Variants in MEGF6 observed in about 807,000 individuals in gnomAD.
The protein encoded by MEGF6 is multiple EGF like domains 6.
In MEGF6, 184 loss-of-function variants were observed where a neutral mutation model predicts 207.1. The observed-to-expected ratio is 0.89, with a 90% confidence interval of 0.79 to 1.00. MEGF6 has a LOEUF of 1.00. Among genes scored for constraint, MEGF6 ranks in the 50% least tolerant of loss-of-function variants. MEGF6 has a pLI of 0.00. For synonymous variants in MEGF6, 1,038 were observed against 910.0 expected, an observed-to-expected ratio of 1.14 and a Z score of -2.53; for missense variants, 2,282 against 2,202.9, an observed-to-expected ratio of 1.04 and a Z score of -0.72.
intron 3 of MEGF6, among the ~76,000 whole-genome samples, chr1:3,586,836 C>G (rs550163639): frequency 6.6e-6 from 1 of 152,182 alleles, no homozygotes; most frequent in Non-Finnish European, 1.5e-5. Flanking sequence ...CCGGGCCCGC[C>G]GGCCTGATGG....
chr1:3,605,072 ACT>A (rs778967848), intron 1 of MEGF6, among the ~76,000 whole-genome samples: 73 of 151,120 alleles, frequency 4.8e-4, no homozygotes, highest in Admixed American at 4.3e-3. Flanking sequence ...TCACACTCAC[ACT>A]CTCAGTCACA....
At chr1:3,495,250 G>A (rs534403334) in intron 30 of MEGF6, among the ~76,000 whole-genome samples, 3 of 152,314 alleles carry the variant, frequency 2.0e-5, no homozygotes, top group Non-Finnish European at 4.4e-5. Flanking sequence ...GCTGGGGCCT[G>A]AGCCCTGGGA....
intron 19 of MEGF6, 26 bp downstream of exon 19, chr1:3,501,151 C>T (rs770570243): frequency 6.2e-7 from 1 of 1,612,568 alleles, no homozygotes; most frequent in East Asian, 2.2e-5. Context: ...AGGTCAAAGG[C>T]TCAGGGGCAG....
chr1:3,615,715 G>A (rs550713201), upstream of MEGF6, among the ~76,000 whole-genome samples: 7 of 152,346 alleles, frequency 4.6e-5, no homozygotes, highest in East Asian at 5.8e-4. Flanking sequence ...GGAAGCCCGC[G>A]TGTGGGACCC....
chr1:3,550,394 G>A (rs183454347), intron 4 of MEGF6, among the ~76,000 whole-genome samples: 132 of 152,324 alleles, frequency 8.7e-4, no homozygotes, highest in African/African-American at 3.1e-3. Flanking sequence ...AGGATAGGGC[G>A]TACCAGCTGG....
chr1:3,501,972 A>C, intron 17 of MEGF6, 51 bp from the exon 18 acceptor site: 1 of 1,118,628 alleles, frequency 8.9e-7, no homozygotes, highest in Non-Finnish European at 1.1e-6. Flanking sequence ...GAGTGGACTG[A>C]CCAGAGCCTT....
chr1:3,580,916 C>T (rs1053635705), intron 3 of MEGF6, among the ~76,000 whole-genome samples: 1 of 152,094 alleles, frequency 6.6e-6, no homozygotes, highest in African/African-American at 2.4e-5. Context: ...CTGCCAGTAG[C>T]AGGGAGGGAA....
At position 3,505,276 on chromosome 1, in the gene MEGF6, C is replaced by A. The variant is rs760340785; in HGVS notation, c.2120G>T (p.Cys707Phe). The change falls in exon 17 of 37, where the codon TGT (cysteine) becomes TTT (phenylalanine). Residue 707 changes from cysteine (C) to phenylalanine (F), a missense_variant. Transcript: ENST00000356575. The part of the protein sequence containing the change: ...QACTCPVGVA[C>F]DSVSGECGKR... ...CCCACACTCGCCGCTCACGGAGTCA[C>A]AGGCCACGCCCACTGGGCAGGTGCA... 1.2e-6 allele frequency: 2 copies of A among 1,612,382 alleles called. No homozygotes were observed. The highest frequency in any genetic ancestry group is 2.2e-5 in the East Asian group (1 of 44,876).
chr1:3,491,019 T>G (rs1009589372), intron 35 of MEGF6, 60 bp from the exon 36 acceptor site: 1 of 1,485,640 alleles, frequency 6.7e-7, no homozygotes, highest in Non-Finnish European at 9.0e-7. Flanking sequence ...GCCACAGTAA[T>G]GGCAGCAAGG....
chr1:3,552,176 C>T (rs867994871), intron 4 of MEGF6, among the ~76,000 whole-genome samples: 4 of 152,216 alleles, frequency 2.6e-5, no homozygotes, highest in Admixed American at 1.3e-4. Flanking sequence ...TCCCTATGCC[C>T]GAGCCCCAGG....
intron 3 of MEGF6, among the ~76,000 whole-genome samples, chr1:3,592,845 G>A (rs142837907): frequency 2.7e-4 from 41 of 152,318 alleles, no homozygotes; most frequent in Middle Eastern, 3.4e-3. Flanking sequence ...CGCTAAAAAC[G>A]AATGTTTAAA....
intron 4 of MEGF6, among the ~76,000 whole-genome samples, chr1:3,578,421 A>G (rs1643700781): frequency 6.6e-6 from 1 of 151,812 alleles, no homozygotes. Flanking sequence ...TGTGGACCCC[A>G]CCTGTCCTCG....
chr1:3,602,349 T>G, intron 2 of MEGF6, 117 bp downstream of exon 2: 1 of 1,442,582 alleles, frequency 6.9e-7, no homozygotes, highest in Non-Finnish European at 9.3e-7. Context: ...AGGCAGGGGT[T>G]GCGTGTGGCC....
At chr1:3,614,651 A>G (rs1206969049), upstream of MEGF6, among the ~76,000 whole-genome samples, 1 of 152,230 alleles carries the variant, frequency 6.6e-6, no homozygotes, top group Non-Finnish European at 1.5e-5. Context: ...AGATGTATGT[A>G]GTTTTTCCTC....
At chr1:3,550,184 C>T (rs555742022) in intron 4 of MEGF6, among the ~76,000 whole-genome samples, 19 of 152,294 alleles carry the variant, frequency 1.2e-4, no homozygotes, top group African/African-American at 2.9e-4. Context: ...TAAGCACCTG[C>T]CCAAGATAAA....
intron 2 of MEGF6, among the ~76,000 whole-genome samples, chr1:3,597,050 G>A (rs541403574): frequency 6.6e-6 from 1 of 152,260 alleles, no homozygotes; most frequent in African/African-American, 2.4e-5. Context: ...AGGGCTGGTC[G>A]GCCCGCGGAC....
chr1:3,543,273 T>C (rs1642586164), intron 4 of MEGF6, among the ~76,000 whole-genome samples: 1 of 152,074 alleles, frequency 6.6e-6, no homozygotes. Flanking sequence ...CCCCATCAAC[T>C]TGGCACACAC....
chr1:3,550,065 G>T (rs869698), intron 4 of MEGF6, among the ~76,000 whole-genome samples: 1 of 152,274 alleles, frequency 6.6e-6, no homozygotes, highest in Non-Finnish European at 1.5e-5. Flanking sequence ...TGAGGGGAAG[G>T]CTCCATGCCC....
rs950223999 is a variant in MEGF6 at position 3,556,045 on chromosome 1, C to T, written c.481+23780G>A. Among the ~76,000 whole-genome samples the T allele has an allele frequency of 3.9e-5, 6 of 152,204 alleles. No individual in the cohort carries two copies. Among genetic ancestry groups the T allele is most frequent in the Admixed American group, 3.9e-4 (6 of 15,284 alleles). ...GCTGGCCCTGGAACCAGCTGGAGTCCGTGGCCAGGGGAGCCCCTCTCCAAG... is the reference window on the plus strand; with the variant it reads ...GCTGGCCCTGGAACCAGCTGGAGTCTGTGGCCAGGGGAGCCCCTCTCCAAG... On this transcript the variant is annotated intron_variant, in intron 4 of 36. Coordinates refer to ENST00000356575, the MANE Select transcript of MEGF6 (RefSeq NM_001409.4). The surrounding 1 kb of genome is among the most constrained non-coding windows in gnomAD (Gnocchi z 4.4).
Sources: gnomAD v4.1 joint callset for allele counts (sites outside exome capture counted in the v4.1 genomes callset) on GRCh38, gnomAD v4.1.1 for gene constraint, Gnocchi (gnomAD v3.1) non-coding constraint, MANE v1.5 for transcripts, NCBI Gene and HGNC (gene_info 2026-07-23, HGNC 2026-07-21) for gene names.